Variants in RNF216 observed in about 807,000 individuals in gnomAD.
RNF216 encodes the protein E3 ubiquitin-protein ligase RNF216.
A neutral mutation model predicts 110.8 loss-of-function variants in RNF216; 72 were observed. That is an observed-to-expected ratio of 0.65 (90% confidence interval 0.54 to 0.79). The LOEUF is 0.79. Among genes scored for constraint, RNF216 ranks in the 30% least tolerant of loss-of-function variants. The pLI, the probability that RNF216 is intolerant of heterozygous loss-of-function variation, is 0.00. For missense variants in RNF216, 1,342 were observed against 1,141.2 expected (o/e 1.18, Z -2.54); for synonymous variants, 495 against 407.5 (o/e 1.21, Z -2.59).
intron 14 of RNF216, among the ~76,000 whole-genome samples, chr7:5,649,401 CAGAA>C (rs966643332): frequency 3.3e-5 from 5 of 149,944 alleles, no homozygotes; most frequent in Admixed American, 2.0e-4. Context: ...AAAAAAAAGA[CAGAA>C]AGAAAGGGAG....
At chr7:5,656,710 C>T (rs940495340) in intron 13 of RNF216, among the ~76,000 whole-genome samples, 15 of 152,210 alleles carry the variant, frequency 9.9e-5, no homozygotes, top group African/African-American at 3.4e-4. Context: ...TTCATGAGGT[C>T]TTCACTTTGC....
rs375927503 is a variant in RNF216 at position 5,715,142 on chromosome 7, C to T, written c.1744G>A (p.Glu582Lys). 5 of 1,613,878 alleles carry T rather than the reference C, an allele frequency of 3.1e-6. No homozygotes were observed. Among genetic ancestry groups the T allele is most frequent in the Non-Finnish European group, 3.4e-6 (4 of 1,180,014 alleles). The change falls in exon 11 of 17, where the codon GAG (glutamate) becomes AAG (lysine). Residue 582 changes from glutamate (E) to lysine (K), a missense_variant. By Grantham distance (56) the Glu-to-Lys change is moderately conservative. Coordinates refer to ENST00000389902, the MANE Select transcript of RNF216 (RefSeq NM_207111.4). The stretch of plus-strand genomic sequence containing the variant: ...GCATCTGCGCACTGCGTCAGCTCCT[C>T]GAATGGAAATTCCCCATAGCAGCAG... Reference protein sequence around the residue: ...CRCCYGEFPFEELTQCADAHL... With the variant: ...CRCCYGEFPFKELTQCADAHL...
chr7:5,690,849 CACTT>C (rs776295419), intron 13 of RNF216, among the ~76,000 whole-genome samples: 4 of 151,894 alleles, frequency 2.6e-5, no homozygotes, highest in Admixed American at 2.0e-4. Context: ...ACCAGCCTGA[CACTT>C]AATAACACAT....
At chr7:5,737,709 G>T (rs1286539132) in intron 5 of RNF216, among the ~76,000 whole-genome samples, 1 of 152,078 alleles carries the variant, frequency 6.6e-6, no homozygotes, top group African/African-American at 2.4e-5. Flanking sequence ...GCCTTGGCAG[G>T]GAAGAAACTC....
intron 5 of RNF216, among the ~76,000 whole-genome samples, chr7:5,731,644 G>T (rs1287281749): frequency 2.0e-5 from 3 of 151,328 alleles, no homozygotes; most frequent in Non-Finnish European, 4.4e-5. Flanking sequence ...TCAGTAGCAA[G>T]GAAGCTTCTT....
intron 15 of RNF216, among the ~76,000 whole-genome samples, chr7:5,632,958 C>T (rs1319134920): frequency 2.6e-5 from 4 of 152,064 alleles, no homozygotes; most frequent in African/African-American, 9.7e-5. Context: ...GGGAGTCTCA[C>T]CCACCCAGCG....
chr7:5,657,297 G>C (rs190798448), intron 13 of RNF216, among the ~76,000 whole-genome samples: 1 of 152,352 alleles, frequency 6.6e-6, no homozygotes, highest in East Asian at 1.9e-4. Context: ...GCCGGGTGCA[G>C]TGGCTCACAC....
Position 5,709,537 on chromosome 7 carries a change from A to G in RNF216, c.2061+2224T>C, listed in dbSNP as rs182887144. Among the ~76,000 whole-genome samples the G allele has an allele frequency of 4.6e-5, 7 of 152,298 alleles. No homozygotes were observed. The East Asian group carries it at 9.7e-4, about 21-fold the overall frequency. On this transcript the variant is annotated intron_variant, in intron 13 of 16. Coordinates refer to ENST00000389902, the MANE Select transcript of RNF216 (RefSeq NM_207111.4). The stretch of plus-strand genomic sequence containing the variant: ...ACATGCCTTTACGGCTTTTTCTGCA[A>G]GTGATCTAACTACTCACATGTTTCA...
chr7:5,669,635 G>A (rs1354604006), intron 13 of RNF216, among the ~76,000 whole-genome samples: 5 of 152,180 alleles, frequency 3.3e-5, no homozygotes, highest in Admixed American at 2.6e-4. Context: ...GTTCACGCCT[G>A]TAATCCCAGC....
In RNF216 at chr7:5,715,099, T is replaced by A. The variant is rs1792958946; in HGVS notation, c.1787A>T (p.Glu596Val). ...QCADAHLFCK[E>V]CLIRYAQEAV... ...CTCTTGGGCATATCTGATGAGACAC[T>A]CTTTGCAGAACAAGTGAGCATCTGC... Residue 596 changes from glutamate (E) to valine (V), a missense_variant, in exon 11 of 17, where the codon GAG (glutamate) becomes GTG (valine). Physicochemically the swap from Glu to Val is moderately radical, Grantham distance 121. Transcript: ENST00000389902. 1 of 1,613,872 alleles carries A rather than the reference T, an allele frequency of 6.2e-7. No homozygotes were observed. The highest frequency in any genetic ancestry group is 8.5e-7 in the Non-Finnish European group (1 of 1,180,000).
At chr7:5,739,152 T>TA (rs1794609081) in intron 5 of RNF216, 124 bp downstream of exon 5, 1 of 1,160,596 alleles carries the variant, frequency 8.6e-7, no homozygotes, top group African/African-American at 1.6e-5. Flanking sequence ...AGTTGCATAA[T>TA]AATGTGAATT....
intron 7 of RNF216, among the ~76,000 whole-genome samples, chr7:5,727,630 G>C (rs763337085): frequency 8.5e-5 from 13 of 152,152 alleles, no homozygotes; most frequent in Non-Finnish European, 1.6e-4. Context: ...TACATGGGAG[G>C]CTGAGGCAGG....
At chr7:5,688,031 T>C (rs1047768515) in intron 13 of RNF216, among the ~76,000 whole-genome samples, 2 of 152,180 alleles carry the variant, frequency 1.3e-5, no homozygotes, top group Non-Finnish European at 2.9e-5. Flanking sequence ...TCACTTTGCT[T>C]GATGGAAGGA....
intron 2 of RNF216, among the ~76,000 whole-genome samples, chr7:5,756,138 T>C (rs1795630230): frequency 6.6e-6 from 1 of 152,140 alleles, no homozygotes; most frequent in African/African-American, 2.4e-5. Context: ...AGGTGTCCGA[T>C]GGTTTTATAT....
intron 1 of RNF216, among the ~76,000 whole-genome samples, chr7:5,772,590 G>T (rs1420048876): frequency 6.6e-6 from 1 of 152,114 alleles, no homozygotes; most frequent in Non-Finnish European, 1.5e-5. Context: ...CTCAGAGGCA[G>T]TAAGCCCCAG....
At chr7:5,762,602 G>A (rs563322999) in intron 1 of RNF216, among the ~76,000 whole-genome samples, 15 of 152,150 alleles carry the variant, frequency 9.9e-5, no homozygotes, top group African/African-American at 3.4e-4. Flanking sequence ...TAAGGCAGGA[G>A]AATGGCATGA....
At chr7:5,660,378 G>C (rs1789035800) in intron 13 of RNF216, among the ~76,000 whole-genome samples, 1 of 132,452 alleles carries the variant, frequency 7.5e-6, no homozygotes, top group Admixed American at 8.9e-5. Context: ...TGCAAGCTCT[G>C]CCTCTTGGGT....
intron 11 of RNF216, among the ~76,000 whole-genome samples, chr7:5,714,619 G>A (rs969671667): frequency 3.9e-5 from 6 of 152,162 alleles, no homozygotes; most frequent in African/African-American, 7.2e-5. Context: ...CCACAAACTC[G>A]GTGGTGTAAA....
intron 15 of RNF216, among the ~76,000 whole-genome samples, chr7:5,627,490 G>T (rs536889853): frequency 6.6e-6 from 1 of 152,280 alleles, no homozygotes; most frequent in South Asian, 2.1e-4. Flanking sequence ...GTTCACGCCT[G>T]TAACCCCAGC....
Sources: allele counts gnomAD v4.1 joint callset (sites outside exome capture counted in the v4.1 genomes callset), GRCh38; gene constraint gnomAD v4.1.1; transcripts MANE v1.5; gene names NCBI Gene and HGNC (gene_info 2026-07-23, HGNC 2026-07-21).